ACYP2: variants seen among roughly 807,000 people sequenced by gnomAD.
ACYP2 encodes the protein acylphosphatase 2.
In ACYP2, 12 loss-of-function variants were observed where a neutral mutation model predicts 11.2. That is an observed-to-expected ratio of 1.08 (90% CI 0.69 to 1.74). The LOEUF (loss-of-function observed/expected upper bound fraction) is 1.74. Ranked by LOEUF, ACYP2 falls within the 40% of genes most tolerant of loss-of-function variation. The pLI, the probability that ACYP2 is intolerant of heterozygous loss-of-function variation, is 0.00. For missense variants in ACYP2, 134 were observed against 101.9 expected, an observed-to-expected ratio of 1.31 and a Z score of -1.35; for synonymous variants, 43 against 32.2, an observed-to-expected ratio of 1.33 and a Z score of -1.13.
At chr2:54,019,590 C>A (rs1297169439) in intron 2 of ACYP2, among the ~76,000 whole-genome samples, 1 of 151,228 alleles carries the variant, frequency 6.6e-6, no homozygotes, top group African/African-American at 2.4e-5. Flanking sequence ...CATGAGCCAC[C>A]ATTCCTGGCC....
intron 6 of ACYP2, among the ~76,000 whole-genome samples, chr2:54,211,925 T>C (rs1262523871): frequency 2.0e-5 from 3 of 152,202 alleles, no homozygotes; most frequent in Admixed American, 6.5e-5. Context: ...TCTCTCTCTT[T>C]TTTTCTGACT....
intron 6 of ACYP2, among the ~76,000 whole-genome samples, chr2:54,196,473 G>A (rs929035538): frequency 1.8e-4 from 27 of 152,100 alleles, no homozygotes; most frequent in South Asian, 8.3e-4. Flanking sequence ...CAGACCTCCA[G>A]CCAAGATTTA....
chr2:54,015,645 T>TCACACACACACACA (rs4027206), intron 2 of ACYP2, among the ~76,000 whole-genome samples: 17 of 130,418 alleles, frequency 1.3e-4, no homozygotes, highest in African/African-American at 4.6e-4. Flanking sequence ...TGAGACCCCG[T>TCACACACACACACA]CACACACACA....
At chr2:54,299,676 T>A (rs974280236) in intron 6 of ACYP2, among the ~76,000 whole-genome samples, 1 of 151,532 alleles carries the variant, frequency 6.6e-6, no homozygotes, top group Non-Finnish European at 1.5e-5. Flanking sequence ...CCATTGCAGA[T>A]TGGTGGATGG....
chr2:53,992,643 C>T (rs1189241956), intron 2 of ACYP2, among the ~76,000 whole-genome samples: 1 of 151,844 alleles, frequency 6.6e-6, no homozygotes, highest in Non-Finnish European at 1.5e-5. Flanking sequence ...ACAGCCTGGC[C>T]AACATGGTGA....
chr2:54,256,036 A>G (rs745764826), intron 6 of ACYP2: 6 of 1,614,008 alleles, frequency 3.7e-6, no homozygotes, highest in East Asian at 4.5e-5. Context: ...GCCATCAAAC[A>G]TATCTGCCAT....
chr2:54,295,440 G>C (rs535694412), intron 6 of ACYP2, among the ~76,000 whole-genome samples: 22 of 152,134 alleles, frequency 1.4e-4, no homozygotes, highest in Non-Finnish European at 3.1e-4. Context: ...TAAAATGTGA[G>C]GGTTTTGTTT....
At chr2:54,240,078 G>A (rs1330486481) in intron 6 of ACYP2, among the ~76,000 whole-genome samples, 2 of 152,298 alleles carry the variant, frequency 1.3e-5, no homozygotes, top group East Asian at 1.9e-4. Context: ...TTCTCAGAAC[G>A]AAGTTAGAGC....
intron 4 of ACYP2, among the ~76,000 whole-genome samples, chr2:54,075,002 A>G (rs749675171): frequency 6.6e-6 from 1 of 152,238 alleles, no homozygotes; most frequent in Admixed American, 6.5e-5. Context: ...AAGTTGACAC[A>G]CAAAATTAAT....
At chr2:54,253,890 G>A (rs1157070489) in intron 6 of ACYP2, 1 of 152,186 alleles carries the variant, frequency 6.6e-6, no homozygotes. Context: ...ATGACAAAGA[G>A]AGCCAAGAAA....
In ACYP2 at chr2:54,036,561, G is replaced by A. The variant is rs993730562; in HGVS notation, c.63-14397G>A. 5.3e-5 allele frequency among the ~76,000 whole-genome samples: 8 copies of A among 152,152 alleles called. No individual in the cohort carries two copies. In the South Asian group the frequency reaches 6.2e-4, roughly 12 times the overall value. On this transcript the variant is annotated intron_variant, in intron 2 of 6. Transcript: ENST00000607452. ...AGATTATGATTTGACTTCTCATGTA[G>A]GCTGTCTGCAGGGAGAAAATGCACA...
rs150451375 is a variant in ACYP2 at position 54,115,795 on chromosome 2, T to C, written c.278-19658T>C. Reference sequence around the variant, plus strand: ...CTACGGTGGGAGATCAAAAAGGTTATGGGAGGAAGGGGAGAAAGCTGTGAG... The same window carrying C: ...CTACGGTGGGAGATCAAAAAGGTTACGGGAGGAAGGGGAGAAAGCTGTGAG... On this transcript the variant is annotated intron_variant, in intron 4 of 6. Transcript: ENST00000607452. 353 of 1,556,496 alleles carry C rather than the reference T, an allele frequency of 2.3e-4. 3 individuals carry two copies. The African/African-American group carries it at 4.3e-3, about 19-fold the overall frequency.
chr2:54,149,159 TA>T (rs1682033285), intron 6 of ACYP2, among the ~76,000 whole-genome samples: 1 of 152,182 alleles, frequency 6.6e-6, no homozygotes, highest in South Asian at 2.1e-4. Context: ...AAAAATTTTT[TA>T]AAATGCAATG....
intron 2 of ACYP2, among the ~76,000 whole-genome samples, chr2:54,043,924 AC>A (rs1221087519): frequency 6.6e-6 from 1 of 152,200 alleles, no homozygotes; most frequent in Non-Finnish European, 1.5e-5. Flanking sequence ...GGAACTACCC[AC>A]ATTTTTTAGG....
chr2:54,090,468 A>G (rs1276977584), intron 4 of ACYP2, among the ~76,000 whole-genome samples: 2 of 152,070 alleles, frequency 1.3e-5, no homozygotes, highest in African/African-American at 4.8e-5. Flanking sequence ...GTTTCTACTA[A>G]AAAAATACAA....
chr2:54,182,047 A>ATTTTTTTTTTTT lies in ACYP2; in HGVS notation c.404+43314_404+43325dup, dbSNP rs35145998. Among the ~76,000 whole-genome samples the ATTTTTTTTTTTT allele has an allele frequency of 1.6e-3, 135 of 83,058 alleles. 7 individuals are homozygous for ATTTTTTTTTTTT. Among genetic ancestry groups the ATTTTTTTTTTTT allele is most frequent in the African/African-American group, 6.7e-3 (129 of 19,356 alleles). 54.5% of individuals were successfully genotyped at this position (83,058 alleles called of 152,430 possible). Reference sequence around the variant, plus strand: ...AAAGAAAACAGAAAAATAGAAGATAATTTTTTTTTTTTTTTTTTTTTTTTT... The same window carrying ATTTTTTTTTTTT: ...AAAGAAAACAGAAAAATAGAAGATAATTTTTTTTTTTTTTTTTTTTTTTTTTTTTTTTTTTTT... On this transcript the variant is annotated intron_variant, in intron 6 of 6. Transcript: ENST00000607452.
At chr2:54,032,787 G>A (rs1674657564) in intron 2 of ACYP2, among the ~76,000 whole-genome samples, 1 of 152,090 alleles carries the variant, frequency 6.6e-6, no homozygotes, top group Admixed American at 6.6e-5. Flanking sequence ...CCTCTTCAAG[G>A]AGAACTACAA....
At chr2:53,996,121 C>T (rs971091824) in intron 2 of ACYP2, among the ~76,000 whole-genome samples, 13 of 151,278 alleles carry the variant, frequency 8.6e-5, no homozygotes, top group African/African-American at 2.4e-4. Context: ...GCAACAAGAG[C>T]GAAACTCTGT....
chr2:54,038,712 T>TATATAC (rs1675048914), intron 2 of ACYP2, among the ~76,000 whole-genome samples: 2 of 105,984 alleles, frequency 1.9e-5, no homozygotes, highest in African/African-American at 3.5e-5. Context: ...TATATATATA[T>TATATAC]ACTCTTCTAA....
Sources: allele counts gnomAD v4.1 joint callset (sites outside exome capture counted in the v4.1 genomes callset), GRCh38; gene constraint gnomAD v4.1.1; transcripts MANE v1.5; gene names NCBI Gene and HGNC (gene_info 2026-07-23, HGNC 2026-07-21).